TMEM82: variants seen among roughly 807,000 people sequenced by gnomAD.
TMEM82 encodes transmembrane protein 82.
In TMEM82, 30 loss-of-function variants were observed where a neutral mutation model predicts 29.2. The ratio of observed to expected loss-of-function variants is 1.03; its 90% CI spans 0.77 to 1.39. TMEM82 has a LOEUF of 1.39. Among genes scored for constraint, TMEM82 ranks in the 40% most tolerant of loss-of-function variants. TMEM82 has a pLI of 0.00. For missense variants in TMEM82, 442 were observed against 447.7 expected (o/e 0.99, Z 0.12); for synonymous variants, 221 against 225.4 (o/e 0.98, Z 0.18).
Position 15,742,636 on chromosome 1 carries a change from C to T in TMEM82, c.77C>T (p.Ser26Phe), listed in dbSNP as rs1332200487. The T allele has an allele frequency of 3.7e-6, 6 of 1,609,688 alleles. No homozygotes were observed. Among genetic ancestry groups the T allele is most frequent in the Non-Finnish European group, 5.1e-6 (6 of 1,179,376 alleles). The change falls in exon 1 of 6, where the codon TCC becomes TTC. Residue 26 changes from serine (S) to phenylalanine (F), a missense_variant. Physicochemically the swap from Ser to Phe is radical, Grantham distance 155. Transcript: ENST00000375782. The part of the protein sequence containing the change: ...SLEWGSSLLD[S>F]LLQGLIGALG... ...GAGTGGGGCTCTAGCCTCCTTGACT[C>T]CCTCCTGCAAGGTGAGCACCTCGCC...
chr1:15,742,647 G>A lies in TMEM82; in HGVS notation c.88G>A (p.Gly30Ser). The change falls in exon 1 of 6, where the codon GGC (glycine) becomes AGC (serine). Residue 30 changes from glycine (G) to serine (S), a missense_variant and splice_region_variant. Physicochemically the swap from Gly to Ser is moderately conservative, Grantham distance 56. Transcript: ENST00000375782. ...GSSLLDSLLQ[G>S]LIGALGVLVL... ...TAGCCTCCTTGACTCCCTCCTGCAA[G>A]GTGAGCACCTCGCCCCATTCCTGCC... The A allele has an allele frequency of 6.2e-7, 1 of 1,609,092 alleles. No individual in the cohort carries two copies. The highest frequency in any genetic ancestry group is 2.2e-5 in the East Asian group (1 of 44,850).
At chr1:15,746,578 G>T (rs574907361) in intron 4 of TMEM82, among the ~76,000 whole-genome samples, 1 of 152,034 alleles carries the variant, frequency 6.6e-6, no homozygotes, top group African/African-American at 2.4e-5. Flanking sequence ...GACTAGAGGC[G>T]GGTGTGCGGA....
chr1:15,744,487 C>G lies in TMEM82; in HGVS notation c.664C>G (p.Leu222Val). 1 of 1,611,802 alleles carries G rather than the reference C, an allele frequency of 6.2e-7. No individual in the cohort carries two copies. The highest frequency in any genetic ancestry group is 8.5e-7 in the Non-Finnish European group (1 of 1,179,604). ...CGTGGGTGACCTGGCAGCTGTGGCCCTCATCAACCAGGACTTCCTGACCAC... is the reference window on the plus strand; with the variant it reads ...CGTGGGTGACCTGGCAGCTGTGGCCGTCATCAACCAGGACTTCCTGACCAC... ...FAVGDLAAVA[L>V]INQDFLTTSE... is the part of the protein sequence containing the mutation. Residue 222 changes from leucine (L) to valine (V), a missense_variant, in exon 4 of 6, where the codon CTC (leucine) becomes GTC (valine). Transcript: ENST00000375782. The surrounding 1 kb of genome is among the most constrained non-coding windows in gnomAD (Gnocchi z 5.2).
In TMEM82 at chr1:15,742,591, TC is replaced by T. The variant is rs1207833947; in HGVS notation, c.36del (p.Gly13AlafsTer19). ...TCTCTTCCATCCCTCCCCTCCTGGC[TC>T]CCCGGCCTCCCCTCCCTCGAGTGGG... Reference protein sequence around the residue: MFSLPSLPSWLPGLPSLEWGS... With the variant: MFSLPSLPSWXPGLPSLEWGS... On this transcript the variant is annotated frameshift_variant, in exon 1 of 6. Transcript: ENST00000375782. LOFTEE classifies it high-confidence loss of function. 1 of 1,601,454 alleles carries T rather than the reference TC, an allele frequency of 6.2e-7. No individual in the cohort carries two copies. The highest frequency in any genetic ancestry group is 8.5e-7 in the Non-Finnish European group (1 of 1,175,056).
Position 15,747,853 on chromosome 1 carries a change from G to C in TMEM82, c.*221G>C. ...CCCTGGTTGAACCCTCTTTTTCTTG[G>C]GGTGGGCAATGATGCAGCCTCTCAG... On this transcript the variant is annotated 3_prime_UTR_variant, in exon 6 of 6. Transcript: ENST00000375782. 1 of 465,766 alleles carries C rather than the reference G, an allele frequency of 2.1e-6. No homozygotes were observed. 28.9% of individuals were successfully genotyped at this position (465,766 alleles called of 1,614,324 possible).
rs766875337 is a variant in TMEM82, at chr1:15,742,659, G to C, written c.88+12G>C. The stretch of plus-strand genomic sequence containing the variant: ...CTCCCTCCTGCAAGGTGAGCACCTC[G>C]CCCCATTCCTGCCTTGGCCCCGCCC... On this transcript the variant is annotated intron_variant, in intron 1 of 5. Coordinates refer to ENST00000375782, the MANE Select transcript of TMEM82 (RefSeq NM_001013641.3). The C allele has an allele frequency of 6.2e-7, 1 of 1,606,180 alleles. No individual in the cohort carries two copies. The highest frequency in any genetic ancestry group is 1.1e-5 in the South Asian group (1 of 90,832).
rs1220548460 is a variant in TMEM82, at chr1:15,747,812, G to C, written c.*180G>C. The C allele has an allele frequency of 2.1e-5, 11 of 520,702 alleles. No individual in the cohort carries two copies. Among genetic ancestry groups the C allele is most frequent in the Non-Finnish European group, 3.6e-5 (11 of 301,584 alleles). The allele number at this position is 520,702 out of a possible 1,614,324, so 32.3% of individuals were successfully genotyped here. A position where few individuals can be genotyped will look rare whatever the true frequency, so the allele number is the denominator to read the frequency against. On this transcript the variant is annotated 3_prime_UTR_variant, in exon 6 of 6. Transcript: ENST00000375782. ...ATTTGGGGATGGGAGCCTCTGGAGA[G>C]GGGACACCTGGGGACCCCTGGTTGA...
chr1:15,747,166 C>T, intron 5 of TMEM82, 112 bp downstream of exon 5: 1 of 1,133,284 alleles, frequency 8.8e-7, no homozygotes, highest in Non-Finnish European at 1.2e-6. Context: ...GTCTCTCACA[C>T]CTGTAATCCC....
intron 3 of TMEM82, among the ~76,000 whole-genome samples, 174 bp from the exon 4 acceptor site, chr1:15,743,986 C>T (rs1166617114): frequency 6.6e-6 from 1 of 151,786 alleles, no homozygotes; most frequent in Non-Finnish European, 1.5e-5. Flanking sequence ...AAAACAAAAC[C>T]CATATGATTG....
rs766371126 is a variant in TMEM82 at position 15,743,025 on chromosome 1, C to T, written c.167C>T (p.Pro56Leu). 4.5e-5 allele frequency: 72 copies of T among 1,597,706 alleles called. No homozygotes were observed. Among genetic ancestry groups the T allele is most frequent in the Middle Eastern group, 1.7e-4 (1 of 5,978 alleles). ...CACCCATTCTGTCCCCAAAGTGACC[C>T]GCAGCGGCGACCCGAAAAGGAGCGG... ...VYFFVGCAND[P>L]QRRPEKERLR... is the part of the protein sequence containing the mutation. Residue 56 changes from proline (P) to leucine (L), a missense_variant, in exon 3 of 6, where the codon CCG (proline) becomes CTG (leucine). Physicochemically the swap from Pro to Leu is moderately conservative, Grantham distance 98. Coordinates refer to ENST00000375782, the MANE Select transcript of TMEM82 (RefSeq NM_001013641.3).
In TMEM82 at chr1:15,742,883, T is replaced by A. The variant is rs1274938358; in HGVS notation, c.137T>A (p.Val46Asp). 1.2e-6 allele frequency: 2 copies of A among 1,612,676 alleles called. No homozygotes were observed. The highest frequency in any genetic ancestry group is 2.2e-5 in the South Asian group (2 of 91,072). The part of the protein sequence containing the change: ...GVLVLNSLLK[V>D]YFFVGCANDP... ...TTGGTCCTGAACAGCCTCCTGAAAG[T>A]TTACTTCTTCGTGGGCTGTGCCAAG... Residue 46 changes from valine to aspartate, a missense_variant, in exon 2 of 6, where the codon GTT (valine) becomes GAT (aspartate). By Grantham distance (152) the Val-to-Asp change is radical. Coordinates refer to ENST00000375782, the MANE Select transcript of TMEM82 (RefSeq NM_001013641.3).
rs530053268 is a variant in TMEM82 at position 15,744,120 on chromosome 1, C to T, written c.337-40C>T. The T allele has an allele frequency of 3.4e-6, 5 of 1,456,766 alleles. No homozygotes were observed. In the South Asian group the frequency reaches 5.6e-5, roughly 16 times the overall value. 90.2% of individuals were successfully genotyped at this position (1,456,766 alleles called of 1,614,324 possible). On this transcript the variant is annotated intron_variant, in intron 3 of 5. Coordinates refer to ENST00000375782, the MANE Select transcript of TMEM82 (RefSeq NM_001013641.3). This position sits in a 1 kb window ranked among gnomAD's most constrained non-coding sequence, Gnocchi z 5.2. The stretch of plus-strand genomic sequence containing the variant: ...GTGGTGGGCAGCACCTGTGGTGAGG[C>T]AGCCCCCACATCTCGGCCCCTCTTC...
In TMEM82 at chr1:15,746,869, G is replaced by C; in HGVS notation, c.760G>C (p.Glu254Gln). 6.3e-7 allele frequency: 1 copy of C among 1,574,974 alleles called. No homozygotes were observed. Among genetic ancestry groups the C allele is most frequent in the Non-Finnish European group, 8.6e-7 (1 of 1,166,358 alleles). ...YTLLVIYMQE[E>Q]QRQHPGLQSQ... ...TGACAGGCACCCGCATCCCACAGAG[G>C]AGCAGCGGCAGCACCCCGGCCTGCA... The change falls in exon 5 of 6, where the codon GAG becomes CAG. Residue 254 changes from glutamate to glutamine, a missense_variant and splice_region_variant. Transcript: ENST00000375782.
chr1:15,747,594 C>T lies in TMEM82; in HGVS notation c.994C>T (p.Pro332Ser). The T allele has an allele frequency of 6.2e-7, 1 of 1,614,088 alleles. No homozygotes were observed. The highest frequency in any genetic ancestry group is 8.5e-7 in the Non-Finnish European group (1 of 1,179,972). The change falls in exon 6 of 6, where the codon CCC becomes TCC. Residue 332 changes from proline to serine, a missense_variant. Physicochemically the swap from Pro to Ser is moderately conservative, Grantham distance 74. Coordinates refer to ENST00000375782, the MANE Select transcript of TMEM82 (RefSeq NM_001013641.3). The part of the protein sequence containing the change: ...PPVSTPSQPL[P>S]SAPQSQSSAP... ...AGTGTCAACACCAAGCCAGCCCCTG[C>T]CCTCGGCACCCCAGTCCCAGAGTTC... is the stretch of plus-strand genomic sequence containing the variant.
chr1:15,744,293 T>G lies in TMEM82; in HGVS notation c.470T>G (p.Leu157Arg). Residue 157 changes from leucine to arginine, a missense_variant, in exon 4 of 6, where the codon CTC becomes CGC. Transcript: ENST00000375782. The surrounding 1 kb of genome is among the most constrained non-coding windows in gnomAD (Gnocchi z 5.2). Reference protein sequence around the residue: ...PHRTLNLLLSLGLATLLGLGA... With the variant: ...PHRTLNLLLSRGLATLLGLGA... ...CGCACGCTGAACCTGCTGCTGAGCCTCGGGCTGGCCACGCTGCTGGGCCTG... is the reference window on the plus strand; with the variant it reads ...CGCACGCTGAACCTGCTGCTGAGCCGCGGGCTGGCCACGCTGCTGGGCCTG... The G allele has an allele frequency of 6.5e-7, 1 of 1,550,022 alleles. No individual in the cohort carries two copies.
intron 3 of TMEM82, among the ~76,000 whole-genome samples, chr1:15,743,837 T>C (rs1398903316): frequency 6.6e-6 from 1 of 151,726 alleles, no homozygotes; most frequent in Non-Finnish European, 1.5e-5. Flanking sequence ...TGGTGGCGGG[T>C]GCCTGTAATC....
chr1:15,746,869 G>T lies in TMEM82; in HGVS notation c.760G>T (p.Glu254Ter). 1 of 1,574,974 alleles carries T rather than the reference G, an allele frequency of 6.3e-7. No homozygotes were observed. The highest frequency in any genetic ancestry group is 8.6e-7 in the Non-Finnish European group (1 of 1,166,358). Residue 254 changes from glutamate (E) to a stop codon, truncating the protein, a stop_gained and splice_region_variant, in exon 5 of 6, where the codon GAG becomes TAG. Coordinates refer to ENST00000375782, the MANE Select transcript of TMEM82 (RefSeq NM_001013641.3). LOFTEE classifies it high-confidence loss of function. ...TGACAGGCACCCGCATCCCACAGAGGAGCAGCGGCAGCACCCCGGCCTGCA... is the reference window on the plus strand; with the variant it reads ...TGACAGGCACCCGCATCCCACAGAGTAGCAGCGGCAGCACCCCGGCCTGCA... ...YTLLVIYMQE[E>*]QRQHPGLQSQ... is the part of the protein sequence containing the mutation.
In TMEM82 at chr1:15,744,501, C is replaced by A; in HGVS notation, c.678C>A (p.Asp226Glu). 6.2e-7 allele frequency: 1 copy of A among 1,612,490 alleles called. No homozygotes were observed. Among genetic ancestry groups the A allele is most frequent in the Non-Finnish European group, 8.5e-7 (1 of 1,179,860 alleles). ...CAGCTGTGGCCCTCATCAACCAGGA[C>A]TTCCTGACCACCTCGGAGGCCATGC... ...DLAAVALINQDFLTTSEAMRF... is the reference protein window; with the variant it reads ...DLAAVALINQEFLTTSEAMRF... The change falls in exon 4 of 6, where the codon GAC becomes GAA. Residue 226 changes from aspartate (D) to glutamate (E), a missense_variant. Asp to Glu is a conservative substitution (Grantham distance 45). Coordinates refer to ENST00000375782, the MANE Select transcript of TMEM82 (RefSeq NM_001013641.3). The surrounding 1 kb of genome is among the most constrained non-coding windows in gnomAD (Gnocchi z 5.2).
chr1:15,742,825 G>A lies in TMEM82; in HGVS notation c.89-10G>A, dbSNP rs777052042. Reference sequence around the variant, plus strand: ...CACGCTGCCTCGCTGCCTCCCTCCCGCCCCCTCAGGCCTGATCGGGGCCCT... The same window carrying A: ...CACGCTGCCTCGCTGCCTCCCTCCCACCCCCTCAGGCCTGATCGGGGCCCT... On this transcript the variant is annotated splice_polypyrimidine_tract_variant and intron_variant, in intron 1 of 5. Transcript: ENST00000375782. 1.5e-5 allele frequency: 24 copies of A among 1,609,592 alleles called. No individual in the cohort carries two copies. Among genetic ancestry groups the A allele is most frequent in the East Asian group, 8.9e-5 (4 of 44,742 alleles).
Sources: gnomAD v4.1 joint callset for allele counts (sites outside exome capture counted in the v4.1 genomes callset) on GRCh38, gnomAD v4.1.1 for gene constraint, Gnocchi (gnomAD v3.1) non-coding constraint, MANE v1.5 for transcripts, NCBI Gene and HGNC (gene_info 2026-07-23, HGNC 2026-07-21) for gene names.